Variants in MAGI1 observed in about 807,000 individuals in gnomAD.
MAGI1 encodes membrane associated guanylate kinase, WW and PDZ domain containing 1, also known as membrane-associated guanylate kinase, WW and PDZ domain-containing protein 1.
A neutral mutation model predicts 139.9 loss-of-function variants in MAGI1; 58 were observed. That is an observed-to-expected ratio of 0.41 (90% CI 0.34 to 0.52). The LOEUF is 0.52. Among genes scored for constraint, MAGI1 ranks in the 20% least tolerant of loss-of-function variants. The pLI is 0.12. For synonymous variants in MAGI1, 812 were observed against 737.9 expected (o/e 1.10, Z -1.63); for missense variants, 1,874 against 1,901.6 (o/e 0.99, Z 0.27).
chr3:65,415,474 A>T (rs1476819651), intron 12 of MAGI1, among the ~76,000 whole-genome samples: 2 of 152,212 alleles, frequency 1.3e-5, no homozygotes, highest in Non-Finnish European at 2.9e-5. Context: ...CTGGAGGCTC[A>T]TGGACACAGC....
intron 12 of MAGI1, among the ~76,000 whole-genome samples, chr3:65,408,006 C>T (rs12490221): frequency 0.3 from 46,342 of 151,964 alleles, 7,993 homozygotes; most frequent in South Asian, 0.47. Flanking sequence ...AAAAATGTGA[C>T]ACAAAGCTGT....
At chr3:65,384,539 A>C (rs1943296171) in intron 14 of MAGI1, among the ~76,000 whole-genome samples, 1 of 152,180 alleles carries the variant, frequency 6.6e-6, no homozygotes, top group Non-Finnish European at 1.5e-5. Flanking sequence ...CAGGCATTCA[A>C]GTCTGGGCAA....
At chr3:65,990,764 G>A (rs1293019281) in intron 1 of MAGI1, among the ~76,000 whole-genome samples, 1 of 152,048 alleles carries the variant, frequency 6.6e-6, no homozygotes, top group Non-Finnish European at 1.5e-5. Flanking sequence ...AATAAATAAT[G>A]GTAAATCATA....
At chr3:65,694,892 T>C (rs1437707218) in intron 1 of MAGI1, among the ~76,000 whole-genome samples, 1 of 152,248 alleles carries the variant, frequency 6.6e-6, no homozygotes, top group African/African-American at 2.4e-5. Flanking sequence ...TGGTTTTCTT[T>C]ACATTTTATT....
chr3:65,475,377 C>T lies in MAGI1; in HGVS notation c.757+3215G>A, dbSNP rs181774062. On this transcript the variant is annotated intron_variant, in intron 4 of 22. Coordinates refer to ENST00000402939, the MANE Select transcript of MAGI1 (RefSeq NM_001033057.2). ...TACAGGCACCCACCACCATACTCAGCTAATTTTTGTATTTTTAGTAGAGAT... is the reference window on the plus strand; with the variant it reads ...TACAGGCACCCACCACCATACTCAGTTAATTTTTGTATTTTTAGTAGAGAT... 2.7e-4 allele frequency among the ~76,000 whole-genome samples: 41 copies of T among 152,112 alleles called. 1 individual carries two copies. Among genetic ancestry groups the T allele is most frequent in the African/African-American group, 9.6e-4 (40 of 41,520 alleles).
At chr3:65,910,278 A>G (rs2061603115) in intron 1 of MAGI1, among the ~76,000 whole-genome samples, 1 of 152,244 alleles carries the variant, frequency 6.6e-6, no homozygotes. Context: ...GTTAAGAGAT[A>G]GATATAATTG....
intron 2 of MAGI1, among the ~76,000 whole-genome samples, chr3:65,496,121 C>G (rs1265282035): frequency 6.6e-6 from 1 of 152,062 alleles, no homozygotes; most frequent in Non-Finnish European, 1.5e-5. Context: ...AGCTCACTAT[C>G]TCCTTGAACT....
chr3:65,500,951 G>A (rs552609921), intron 2 of MAGI1, among the ~76,000 whole-genome samples: 1 of 152,292 alleles, frequency 6.6e-6, no homozygotes, highest in African/African-American at 2.4e-5. Flanking sequence ...CAGAGTATCA[G>A]TTGGATATCC....
intron 1 of MAGI1, among the ~76,000 whole-genome samples, chr3:65,900,911 A>G (rs1365484088): frequency 3.9e-5 from 6 of 152,208 alleles, no homozygotes; most frequent in Non-Finnish European, 7.3e-5. Context: ...AGGAGTGTGG[A>G]CAGCCAGGCT....
At chr3:65,940,375 T>A (rs142989899) in intron 1 of MAGI1, among the ~76,000 whole-genome samples, 8 of 152,346 alleles carry the variant, frequency 5.3e-5, no homozygotes, top group Non-Finnish European at 1.0e-4. Context: ...GGCTGAAGTC[T>A]AAGATCAGGG....
chr3:65,671,262 G>T (rs2086840754), intron 1 of MAGI1, among the ~76,000 whole-genome samples: 1 of 152,160 alleles, frequency 6.6e-6, no homozygotes, highest in Non-Finnish European at 1.5e-5. Context: ...TGTAAAGCAG[G>T]TGTTTCTCAA....
At chr3:65,805,077 A>T (rs987988036) in intron 1 of MAGI1, among the ~76,000 whole-genome samples, 1 of 152,198 alleles carries the variant, frequency 6.6e-6, no homozygotes, top group Non-Finnish European at 1.5e-5. Flanking sequence ...CAAAACCAAA[A>T]ATTGACAAAT....
intron 1 of MAGI1, among the ~76,000 whole-genome samples, chr3:65,885,929 C>T (rs2060513930): frequency 6.6e-6 from 1 of 152,174 alleles, no homozygotes; most frequent in Admixed American, 6.5e-5. Flanking sequence ...CATGCATACA[C>T]ACATATACAC....
intron 12 of MAGI1, among the ~76,000 whole-genome samples, chr3:65,406,809 A>G (rs1011667936): frequency 6.7e-6 from 1 of 149,574 alleles, no homozygotes; most frequent in Non-Finnish European, 1.5e-5. Flanking sequence ...CTCTCTCTAT[A>G]TATATATATC....
chr3:65,379,632 A>T, intron 16 of MAGI1, 78 bp from the exon 17 acceptor site: 1 of 1,537,146 alleles, frequency 6.5e-7, no homozygotes, highest in Non-Finnish European at 8.8e-7. Flanking sequence ...CCTTCCAGCA[A>T]CTCCTGCTAG....
intron 1 of MAGI1, among the ~76,000 whole-genome samples, chr3:65,696,840 G>A (rs1192619412): frequency 2.0e-5 from 3 of 152,066 alleles, no homozygotes; most frequent in African/African-American, 7.2e-5. Context: ...CTCAGCATCA[G>A]AAGCCCAGAA....
chr3:65,395,636 C>CAAAAAAAAAAAAA (rs58806140), intron 13 of MAGI1, among the ~76,000 whole-genome samples: 316 of 19,166 alleles, frequency 0.016, 71 homozygotes, highest in African/African-American at 0.023. Flanking sequence ...GACTCCATCT[C>CAAAAAAAAAAAAA]AAAAAAAAAA....
intron 7 of MAGI1, 35 bp from the exon 8 acceptor site, chr3:65,442,884 CA>C: frequency 1.9e-6 from 3 of 1,551,232 alleles, no homozygotes; most frequent in Non-Finnish European, 2.7e-6. Flanking sequence ...GCAAGAAGAG[CA>C]TATTCTTGAA....
At chr3:65,607,844 T>C (rs2082830410) in intron 2 of MAGI1, among the ~76,000 whole-genome samples, 1 of 152,180 alleles carries the variant, frequency 6.6e-6, no homozygotes. Flanking sequence ...GCCACTGTCT[T>C]TCCTTTTGTA....
Sources: gnomAD v4.1 joint callset for allele counts (sites outside exome capture counted in the v4.1 genomes callset) on GRCh38, gnomAD v4.1.1 for gene constraint, MANE v1.5 for transcripts, NCBI Gene and HGNC (gene_info 2026-07-23, HGNC 2026-07-21) for gene names.